The following MTSS1 variants were observed in gnomAD, a reference collection of about 807,000 sequenced individuals.
The protein encoded by MTSS1 is MTSS I-BAR domain containing 1.
In MTSS1, 18 loss-of-function variants were observed where a neutral mutation model predicts 79.0. The ratio of observed to expected loss-of-function variants is 0.23; its 90% confidence interval spans 0.16 to 0.34. The LOEUF is 0.34. MTSS1 is among the 10% of genes least tolerant of loss of function. The pLI is 1.00. For synonymous variants in MTSS1, 341 were observed against 368.6 expected (o/e 0.93, Z 0.86); for missense variants, 815 against 986.2 (o/e 0.83, Z 2.33).
At chr8:124,712,721 T>C (rs1209984140) in intron 1 of MTSS1, among the ~76,000 whole-genome samples, 2 of 152,170 alleles carry the variant, frequency 1.3e-5, no homozygotes, top group African/African-American at 2.4e-5. Flanking sequence ...GGATAATCAA[T>C]GGTTGCTTCC....
intron 3 of MTSS1, among the ~76,000 whole-genome samples, chr8:124,611,001 T>C (rs563169821): frequency 1.1e-3 from 161 of 152,066 alleles, no homozygotes; most frequent in African/African-American, 3.1e-3. Context: ...CCATGAACCA[T>C]GTGGAAGGCT....
intron 10 of MTSS1, among the ~76,000 whole-genome samples, chr8:124,561,293 C>T (rs143056964): frequency 4.6e-5 from 7 of 152,284 alleles, no homozygotes; most frequent in Non-Finnish European, 1.0e-4. Flanking sequence ...TGGCGCGTGC[C>T]TGTAATCCCA....
chr8:124,698,894 T>C (rs1421817742), intron 3 of MTSS1, among the ~76,000 whole-genome samples: 3 of 152,242 alleles, frequency 2.0e-5, no homozygotes, highest in Non-Finnish European at 4.4e-5. Context: ...TCACATGTTA[T>C]GAATAACTTT....
At chr8:124,657,508 A>G (rs1414512233) in intron 3 of MTSS1, among the ~76,000 whole-genome samples, 1 of 151,526 alleles carries the variant, frequency 6.6e-6, no homozygotes, top group East Asian at 1.9e-4. Context: ...GACACACACT[A>G]CTTAGTCACA....
At chr8:124,709,837 T>C (rs984472309) in intron 1 of MTSS1, among the ~76,000 whole-genome samples, 2 of 152,192 alleles carry the variant, frequency 1.3e-5, no homozygotes, top group Admixed American at 1.3e-4. Flanking sequence ...TCAGCAATAT[T>C]GAAAACTCCT....
At chr8:124,714,044 C>T (rs531360028) in intron 1 of MTSS1, among the ~76,000 whole-genome samples, 4 of 152,302 alleles carry the variant, frequency 2.6e-5, no homozygotes, top group South Asian at 2.1e-4. Flanking sequence ...ATGGCCATTA[C>T]GGCCATGACA....
At chr8:124,627,703 G>T (rs1382838961) in intron 3 of MTSS1, among the ~76,000 whole-genome samples, 1 of 152,248 alleles carries the variant, frequency 6.6e-6, no homozygotes. Flanking sequence ...CACTGAAAGG[G>T]TAATGTAAGA....
chr8:124,563,798 G>A (rs980351819), intron 9 of MTSS1, among the ~76,000 whole-genome samples: 5 of 152,118 alleles, frequency 3.3e-5, no homozygotes, highest in African/African-American at 7.2e-5. Context: ...TGACACACCC[G>A]CTCTGGATTT....
intron 3 of MTSS1, among the ~76,000 whole-genome samples, chr8:124,637,912 G>T (rs1817323512): frequency 6.6e-6 from 1 of 152,224 alleles, no homozygotes. Flanking sequence ...TGCCCTCAAA[G>T]AACATATCCT....
At chr8:124,605,963 A>ATTTTT (rs35985246) in intron 3 of MTSS1, among the ~76,000 whole-genome samples, 1 of 105,978 alleles carries the variant, frequency 9.4e-6, no homozygotes, top group Non-Finnish European at 1.8e-5. Context: ...TAGGTATCTC[A>ATTTTT]TTTTTTTTTT....
In MTSS1 at chr8:124,727,659, G is replaced by A; in HGVS notation, c.72+225C>T. On this transcript the variant is annotated intron_variant, in intron 1 of 13. Coordinates refer to ENST00000518547, the MANE Select transcript of MTSS1 (RefSeq NM_014751.6). This position sits in a 1 kb window ranked among gnomAD's most constrained non-coding sequence, Gnocchi z 4.7. ...TGGGACAATGAGCGGGGGAGATGGCGTGGGACAGCAGACACCCCCCAGAGA... is the reference window on the plus strand; with the variant it reads ...TGGGACAATGAGCGGGGGAGATGGCATGGGACAGCAGACACCCCCCAGAGA... 3.0e-6 allele frequency: 2 copies of A among 664,472 alleles called. No homozygotes were observed. Among genetic ancestry groups the A allele is most frequent in the Non-Finnish European group, 5.5e-6 (2 of 360,716 alleles). 41.2% of individuals were successfully genotyped at this position (664,472 alleles called of 1,614,324 possible).
In MTSS1 at chr8:124,667,605, T is replaced by C. The variant is rs188466795; in HGVS notation, c.208+31921A>G. Among the ~76,000 whole-genome samples, 33 of 152,120 alleles carry C rather than the reference T, an allele frequency of 2.2e-4. No homozygotes were observed. The East Asian group carries it at 5.6e-3, about 26-fold the overall frequency. On this transcript the variant is annotated intron_variant, in intron 3 of 13. Coordinates refer to ENST00000518547, the MANE Select transcript of MTSS1 (RefSeq NM_014751.6). Reference sequence around the variant, plus strand: ...GTTGTGGTGAGCTGAGATCACACCATTGCACTCCAGCCTGGGCAACAGAAG... The same window carrying C: ...GTTGTGGTGAGCTGAGATCACACCACTGCACTCCAGCCTGGGCAACAGAAG...
intron 3 of MTSS1, among the ~76,000 whole-genome samples, chr8:124,629,494 T>TGACGGAGAGA (rs199730322): frequency 1.6e-5 from 2 of 126,748 alleles, no homozygotes; most frequent in African/African-American, 6.0e-5. Context: ...CCAGCCTGAA[T>TGACGGAGAGA]GACTCCGTCT....
chr8:124,689,311 A>C (rs941229801), intron 3 of MTSS1, among the ~76,000 whole-genome samples: 1 of 152,140 alleles, frequency 6.6e-6, no homozygotes, highest in African/African-American at 2.4e-5. Context: ...GTCCTAGAAA[A>C]ATACTAGTTT....
chr8:124,568,147 C>A (rs1259459544), intron 7 of MTSS1: 4 of 678,158 alleles, frequency 5.9e-6, no homozygotes, highest in Non-Finnish European at 9.4e-6. Flanking sequence ...CCTGCTGGGC[C>A]TTCTTGACTT....
intron 3 of MTSS1, among the ~76,000 whole-genome samples, chr8:124,660,753 T>C (rs141211646): frequency 6.6e-6 from 1 of 152,300 alleles, no homozygotes; most frequent in Non-Finnish European, 1.5e-5. Context: ...TGGTACAGCT[T>C]TCATGCTAGT....
chr8:124,591,019 C>CA (rs35642921), intron 4 of MTSS1, 132 bp downstream of exon 4: 465,183 of 767,198 alleles, frequency 0.61, 144,336 homozygotes, highest in East Asian at 0.8. Context: ...AGATGCCTAA[C>CA]AATACTCAGG....
At chr8:124,630,361 A>C (rs1164709317) in intron 3 of MTSS1, among the ~76,000 whole-genome samples, 2 of 152,002 alleles carry the variant, frequency 1.3e-5, no homozygotes, top group Non-Finnish European at 2.9e-5. Context: ...ACATGGGAGG[A>C]AAGGTGGGGG....
At position 124,724,073 on chromosome 8, in the gene MTSS1, T is replaced by C. The variant is rs551190263; in HGVS notation, c.72+3811A>G. ...GCCTAGCAAAAGGCCTTCTACACAATTGCCCTCCATAAACAGCAAGGAAGT... is the reference window on the plus strand; with the variant it reads ...GCCTAGCAAAAGGCCTTCTACACAACTGCCCTCCATAAACAGCAAGGAAGT... On this transcript the variant is annotated intron_variant, in intron 1 of 13. Transcript: ENST00000518547. Among the ~76,000 whole-genome samples the C allele has an allele frequency of 4.1e-4, 62 of 152,146 alleles. No individual in the cohort carries two copies. The South Asian group carries it at 0.01, about 25-fold the overall frequency.
Sources: allele counts gnomAD v4.1 joint callset (sites outside exome capture counted in the v4.1 genomes callset), GRCh38; gene constraint gnomAD v4.1.1; non-coding constraint Gnocchi (gnomAD v3.1); transcripts MANE v1.5; gene names NCBI Gene and HGNC (gene_info 2026-07-23, HGNC 2026-07-21).